IDO2: variants seen among roughly 807,000 people sequenced by gnomAD.
IDO2 encodes indoleamine 2,3-dioxygenase-like 1 protein.
IDO2 carries 46 observed loss-of-function variants against 45.1 expected under a neutral mutation model. That is an observed-to-expected ratio of 1.02 (90% CI 0.80 to 1.30). The LOEUF is 1.30. IDO2 is among the 50% of genes most tolerant of loss of function. The probability of loss-of-function intolerance (pLI) is 0.00; values close to 1 mark genes in which losing one functional copy is unlikely to be tolerated. For synonymous variants in IDO2, 218 were observed against 184.9 expected (o/e 1.18, Z -1.45); for missense variants, 544 against 491.8 (o/e 1.11, Z -1.00).
intron 1 of IDO2, among the ~76,000 whole-genome samples, chr8:39,936,575 C>A (rs1807555242): frequency 1.3e-5 from 2 of 152,142 alleles, no homozygotes; most frequent in Admixed American, 6.5e-5. Flanking sequence ...TACCCCCAGA[C>A]CCAGGGCTTA....
At chr8:39,965,361 C>T (rs983473467) in intron 3 of IDO2, among the ~76,000 whole-genome samples, 4 of 152,082 alleles carry the variant, frequency 2.6e-5, no homozygotes, top group African/African-American at 7.2e-5. Context: ...GTGGCACATG[C>T]CTGTAGTCCC....
chr8:39,981,638 A>G (rs1808353924), intron 4 of IDO2, among the ~76,000 whole-genome samples: 1 of 152,164 alleles, frequency 6.6e-6, no homozygotes, highest in Non-Finnish European at 1.5e-5. Context: ...TGGCTCTCCA[A>G]TGCCTTCTGA....
At chr8:39,999,706 C>T (rs1802106292) in intron 8 of IDO2, among the ~76,000 whole-genome samples, 1 of 152,130 alleles carries the variant, frequency 6.6e-6, no homozygotes, top group African/African-American at 2.4e-5. Context: ...TCAGGTCATC[C>T]ACCACCTTGG....
At chr8:39,987,887 A>T in exon 7 of IDO2, 1 of 1,608,696 alleles carries the variant, frequency 6.2e-7, no homozygotes. Flanking sequence ...GGAGACCATC[A>T]TCTCATTTCC....
chr8:40,000,243 C>T (rs1382741676), intron 8 of IDO2, among the ~76,000 whole-genome samples: 1 of 151,972 alleles, frequency 6.6e-6, no homozygotes, highest in Non-Finnish European at 1.5e-5. Flanking sequence ...GAAACCATGT[C>T]TCTCCTAAAA....
chr8:39,965,129 C>A (rs1318471320), intron 3 of IDO2, among the ~76,000 whole-genome samples: 3 of 152,206 alleles, frequency 2.0e-5, no homozygotes, highest in Admixed American at 6.6e-5. Flanking sequence ...GCATTGAAAC[C>A]AGTCCCTATT....
chr8:39,986,338 C>T (rs60437822), intron 6 of IDO2: 3 of 152,202 alleles, frequency 2.0e-5, no homozygotes, highest in Non-Finnish European at 4.4e-5. Context: ...CCTCTCCCAT[C>T]ACCAAACCTC....
chr8:39,997,549 G>A (rs1001510527), intron 8 of IDO2, among the ~76,000 whole-genome samples: 8 of 152,070 alleles, frequency 5.3e-5, no homozygotes, highest in African/African-American at 1.7e-4. Flanking sequence ...GTGAGCGCCT[G>A]TGGTTCCAGC....
chr8:40,010,992 A>T (rs181216322), intron 9 of IDO2, among the ~76,000 whole-genome samples: 1 of 152,196 alleles, frequency 6.6e-6, no homozygotes, highest in East Asian at 1.9e-4. Context: ...GCTCACTGCA[A>T]CCTCTGCCTC....
At chr8:40,016,303 A>C in exon 11 of IDO2, 1 of 397,960 alleles carries the variant, frequency 2.5e-6, no homozygotes, top group Non-Finnish European at 4.4e-6. Flanking sequence ...AAAATGAATG[A>C]ATGGATCCTA....
At chr8:39,943,567 C>T (rs1159819352) in intron 1 of IDO2, among the ~76,000 whole-genome samples, 2 of 151,782 alleles carry the variant, frequency 1.3e-5, no homozygotes, top group East Asian at 3.9e-4. Flanking sequence ...GAAACCCCGT[C>T]TCTACTAAAA....
chr8:39,939,070 G>A (rs981168105), intron 1 of IDO2, among the ~76,000 whole-genome samples: 15 of 151,602 alleles, frequency 9.9e-5, no homozygotes, highest in Non-Finnish European at 2.1e-4. Context: ...TGACCAACAT[G>A]GTGAAACCCC....
intron 3 of IDO2, among the ~76,000 whole-genome samples, chr8:39,972,168 A>G (rs535211178): frequency 5.3e-5 from 8 of 152,362 alleles, no homozygotes; most frequent in Admixed American, 1.3e-4. Context: ...TAGTTGCACA[A>G]CACAGAATTT....
At chr8:39,987,188 TC>T (rs1463135651) in intron 6 of IDO2, 1 of 152,036 alleles carries the variant, frequency 6.6e-6, no homozygotes, top group Non-Finnish European at 1.5e-5. Flanking sequence ...GTGTGGCACT[TC>T]CCCCACCTCC....
intron 2 of IDO2, among the ~76,000 whole-genome samples, chr8:39,950,609 G>A (rs1453737600): frequency 1.3e-5 from 2 of 152,186 alleles, no homozygotes; most frequent in Admixed American, 1.3e-4. Context: ...GTCCAGCCAC[G>A]AGAGCACACC....
chr8:39,978,926 G>A (rs958920406), intron 3 of IDO2, 141 bp from the exon 4 acceptor site: 1 of 724,502 alleles, frequency 1.4e-6, no homozygotes, highest in Non-Finnish European at 2.3e-6. Flanking sequence ...GTGTGTGTGC[G>A]GGCTCTTTGT....
intron 3 of IDO2, among the ~76,000 whole-genome samples, chr8:39,977,649 C>G (rs1283858354): frequency 6.6e-6 from 1 of 152,216 alleles, no homozygotes; most frequent in Non-Finnish European, 1.5e-5. Context: ...GTACTGCACT[C>G]CAGCCAGGGT....
intron 2 of IDO2, among the ~76,000 whole-genome samples, chr8:39,961,552 C>T (rs1016191839): frequency 6.6e-6 from 1 of 152,024 alleles, no homozygotes; most frequent in Non-Finnish European, 1.5e-5. Flanking sequence ...AAACTCCTGA[C>T]CTTAGGTGAT....
chr8:39,980,476 A>G (rs550745858), intron 4 of IDO2, among the ~76,000 whole-genome samples: 2 of 152,214 alleles, frequency 1.3e-5, no homozygotes, highest in South Asian at 4.1e-4. Context: ...ATCATTGCAT[A>G]ACTTTGTACA....
Sources: gnomAD v4.1 joint callset for allele counts (sites outside exome capture counted in the v4.1 genomes callset) on GRCh38, gnomAD v4.1.1 for gene constraint, MANE v1.5 for transcripts, NCBI Gene and HGNC (gene_info 2026-07-23, HGNC 2026-07-21) for gene names.